Variants in STAB2 observed in about 807,000 individuals in gnomAD.
STAB2 encodes the protein stabilin 2.
In STAB2, 288 loss-of-function variants were observed where a neutral mutation model predicts 338.1. The ratio of observed to expected loss-of-function variants is 0.85; its 90% confidence interval spans 0.77 to 0.94. The LOEUF (loss-of-function observed/expected upper bound fraction) is 0.94. STAB2 is among the 40% of genes least tolerant of loss of function. The pLI, the probability that STAB2 is intolerant of heterozygous loss-of-function variation, is 0.00. For missense variants in STAB2, 3,141 were observed against 3,210.1 expected (o/e 0.98, Z 0.52); for synonymous variants, 1,202 against 1,193.3 (o/e 1.01, Z -0.15).
intron 6 of STAB2, among the ~76,000 whole-genome samples, chr12:103,636,667 A>G (rs969643546): frequency 1.3e-5 from 2 of 152,118 alleles, no homozygotes; most frequent in Non-Finnish European, 2.9e-5. Flanking sequence ...TGTATCTTCT[A>G]CCAGCATCCA....
At chr12:103,718,799 C>T (rs1197162597) in intron 44 of STAB2, among the ~76,000 whole-genome samples, 1 of 152,190 alleles carries the variant, frequency 6.6e-6, no homozygotes, top group Non-Finnish European at 1.5e-5. Context: ...AGATTCCTCC[C>T]AGCCCTGATC....
chr12:103,687,182 A>G (rs894449957), intron 27 of STAB2, among the ~76,000 whole-genome samples: 5 of 152,180 alleles, frequency 3.3e-5, no homozygotes, highest in Admixed American at 3.3e-4. Flanking sequence ...AATTTTCATA[A>G]TCCCTGGAGC....
At position 103,640,214 on chromosome 12, in the gene STAB2, A is replaced by T; in HGVS notation, c.998A>T (p.His333Leu). 1 of 1,613,856 alleles carries T rather than the reference A, an allele frequency of 6.2e-7. No homozygotes were observed. Among genetic ancestry groups the T allele is most frequent in the South Asian group, 1.1e-5 (1 of 91,056 alleles). Residue 333 changes from histidine (H) to leucine (L), a missense_variant, in exon 9 of 69, where the codon CAT becomes CTT. Physicochemically the swap from His to Leu is moderately conservative, Grantham distance 99 (BLOSUM62 -3). Coordinates refer to ENST00000388887, the MANE Select transcript of STAB2 (RefSeq NM_017564.10). ...TDICKSDNPC[H>L]RNANCTTVAP... ...ATATGTAAATCAGATAACCCGTGTCATAGGAATGCAAATTGCACCACCGTC... is the reference window on the plus strand; with the variant it reads ...ATATGTAAATCAGATAACCCGTGTCTTAGGAATGCAAATTGCACCACCGTC...
At chr12:103,588,555 A>T (rs913992799) in intron 1 of STAB2, among the ~76,000 whole-genome samples, 2 of 152,178 alleles carry the variant, frequency 1.3e-5, no homozygotes, top group Admixed American at 6.5e-5. Context: ...TTCACACAGA[A>T]ATCAGACCTT....
chr12:103,670,226 C>G (rs764522666), intron 21 of STAB2, among the ~76,000 whole-genome samples: 1 of 152,102 alleles, frequency 6.6e-6, no homozygotes, highest in Non-Finnish European at 1.5e-5. Context: ...ATGACTGCGG[C>G]CAGGGGTTAG....
intron 3 of STAB2, among the ~76,000 whole-genome samples, chr12:103,601,101 G>A (rs1956947511): frequency 6.6e-6 from 1 of 152,182 alleles, no homozygotes; most frequent in African/African-American, 2.4e-5. Context: ...TAGTGGCTGT[G>A]ACCTTGTTAC....
At chr12:103,735,607 G>T in intron 52 of STAB2, 27 bp downstream of exon 52, 2 of 1,425,516 alleles carry the variant, frequency 1.4e-6, no homozygotes, top group East Asian at 2.3e-5. Context: ...AGGGTGGGCA[G>T]GGAGGGGTTA....
chr12:103,681,831 G>C (rs375484805), intron 25 of STAB2, among the ~76,000 whole-genome samples: 2 of 151,766 alleles, frequency 1.3e-5, no homozygotes, highest in African/African-American at 4.8e-5. Flanking sequence ...TGCATTGGCA[G>C]GATGGTCTCG....
intron 41 of STAB2, 31 bp from the exon 42 acceptor site, chr12:103,713,612 C>A: frequency 6.2e-7 from 1 of 1,610,988 alleles, no homozygotes; most frequent in South Asian, 1.1e-5. Context: ...GCCCTTCCCT[C>A]TCCCCTTCTG....
At chr12:103,668,562 C>A in intron 19 of STAB2, 81 bp from the exon 20 acceptor site, 3 of 1,246,762 alleles carry the variant, frequency 2.4e-6, no homozygotes, top group Non-Finnish European at 3.4e-6. Context: ...AGTACAATGG[C>A]AAGTGTCTGC....
chr12:103,683,065 A>G (rs1877069928), intron 25 of STAB2, 140 bp from the exon 26 acceptor site: 3 of 536,218 alleles, frequency 5.6e-6, no homozygotes, highest in Non-Finnish European at 9.6e-6. Context: ...AAGTGTATCA[A>G]GCAAAAGGCA....
chr12:103,666,632 C>CT (rs1445179040), intron 19 of STAB2, among the ~76,000 whole-genome samples: 1 of 152,146 alleles, frequency 6.6e-6, no homozygotes, highest in East Asian at 1.9e-4. Flanking sequence ...AAAATTGAAG[C>CT]ACAATATCTA....
At chr12:103,631,161 A>G (rs750702994) in intron 5 of STAB2, among the ~76,000 whole-genome samples, 1 of 152,176 alleles carries the variant, frequency 6.6e-6, no homozygotes, top group Non-Finnish European at 1.5e-5. Context: ...TCCTTTTTTT[A>G]TCCTTGCATC....
intron 54 of STAB2, 104 bp downstream of exon 54, chr12:103,739,572 T>TGTGTGCGCGC: frequency 2.7e-6 from 2 of 733,312 alleles, no homozygotes; most frequent in Non-Finnish European, 3.9e-6. Flanking sequence ...TGTGTGTGTG[T>TGTGTGCGCGC]GCCCGTGCAC....
rs112557041 is a variant in STAB2, at chr12:103,643,180, T to C, written c.1040+2924T>C. Among the ~76,000 whole-genome samples, 979 of 152,290 alleles carry C rather than the reference T, an allele frequency of 6.4e-3. 7 individuals are homozygous for C. Among genetic ancestry groups the C allele is most frequent in the African/African-American group, 0.022 (925 of 41,552 alleles). ...AGGGAGCTCTCTGGGACCTCTTTTCTAAGGGCACTCATTCCATTCATGAGG... is the reference window on the plus strand; with the variant it reads ...AGGGAGCTCTCTGGGACCTCTTTTCCAAGGGCACTCATTCCATTCATGAGG... On this transcript the variant is annotated intron_variant, in intron 9 of 68. Coordinates refer to ENST00000388887, the MANE Select transcript of STAB2 (RefSeq NM_017564.10).
intron 1 of STAB2, among the ~76,000 whole-genome samples, chr12:103,589,739 G>A (rs948631010): frequency 6.6e-6 from 1 of 152,218 alleles, no homozygotes; most frequent in Non-Finnish European, 1.5e-5. Flanking sequence ...CAGCAGCCCA[G>A]TGAGAACATG....
At chr12:103,662,746 CT>C (rs1874730326) in intron 17 of STAB2, 99 bp from the exon 18 acceptor site, 1 of 1,454,278 alleles carries the variant, frequency 6.9e-7, no homozygotes, top group Non-Finnish European at 9.3e-7. Flanking sequence ...ATGTTGAGGA[CT>C]TTTTAGCAAA....
intron 4 of STAB2, 91 bp downstream of exon 4, chr12:103,620,644 C>CAT (rs1957285339): frequency 1.9e-6 from 2 of 1,046,906 alleles, no homozygotes; most frequent in South Asian, 3.0e-5. Context: ...CACACACACA[C>CAT]ACACACACAC....
chr12:103,684,913 C>G (rs771395501), intron 26 of STAB2, 76 bp from the exon 27 acceptor site: 14 of 1,418,126 alleles, frequency 9.9e-6, no homozygotes, highest in East Asian at 9.1e-5. Flanking sequence ...TTAGATGGAG[C>G]CTGTCGTCTC....
Sources: gnomAD v4.1 joint callset for allele counts (sites outside exome capture counted in the v4.1 genomes callset) on GRCh38, gnomAD v4.1.1 for gene constraint, MANE v1.5 for transcripts, NCBI Gene and HGNC (gene_info 2026-07-23, HGNC 2026-07-21) for gene names.